The following ODAD4 variants were observed in gnomAD, a reference collection of about 807,000 sequenced individuals.
ODAD4 encodes outer dynein arm-docking complex subunit 4.
A neutral mutation model predicts 51.8 loss-of-function variants in ODAD4; 49 were observed. The ratio of observed to expected loss-of-function variants is 0.95; its 90% CI spans 0.75 to 1.20. The LOEUF (loss-of-function observed/expected upper bound fraction) is 1.20. ODAD4 is among the 50% of genes most tolerant of loss of function. The probability of loss-of-function intolerance (pLI) is 0.00; values close to 1 mark genes in which losing one functional copy is unlikely to be tolerated. For missense variants in ODAD4, 590 were observed against 586.5 expected (o/e 1.01, Z -0.06); for synonymous variants, 235 against 221.3 (o/e 1.06, Z -0.55).
At chr17:41,956,485 CTTTTTT>C (rs33985289) in intron 10 of ODAD4, among the ~76,000 whole-genome samples, 1 of 110,944 alleles carries the variant, frequency 9.0e-6, no homozygotes, top group Non-Finnish European at 1.7e-5. Flanking sequence ...CATGCCCGGC[CTTTTTT>C]TTTTTTTTTT....
intron 7 of ODAD4, among the ~76,000 whole-genome samples, chr17:41,940,073 C>T (rs1226666339): frequency 1.3e-5 from 2 of 152,198 alleles, no homozygotes; most frequent in Non-Finnish European, 2.9e-5. Flanking sequence ...GGTTCCATCG[C>T]TTTCTCAGCA....
At position 41,955,318 on chromosome 17, in the gene ODAD4, G is replaced by A. The variant is rs1350329775; in HGVS notation, c.1443+1G>A. On this transcript the variant is annotated splice_donor_variant, in intron 10 of 11. Transcript: ENST00000377540. LOFTEE classifies it high-confidence loss of function. ...CGAGGCGCAGCAGGCCATCATCAGT[G>A]TGAGCCTTTCCACCCGCCGGGCTTC... 1.3e-6 allele frequency: 1 copy of A among 776,026 alleles called. No individual in the cohort carries two copies. The highest frequency in any genetic ancestry group is 1.7e-5 in the Admixed American group (1 of 58,518). The allele number at this position is 776,026 out of a possible 1,614,324, so 48.1% of individuals were successfully genotyped here.
At chr17:41,945,343 CAAA>C (rs35481109) in intron 8 of ODAD4, 121 bp downstream of exon 8, 6,788 of 431,952 alleles carry the variant, frequency 0.016, no homozygotes, top group South Asian at 0.021. Context: ...TCCCTCTCTA[CAAA>C]AAAAAAAAAA....
rs1191101800 is a variant in ODAD4 at position 41,944,444 on chromosome 17, A to ACACACACACACACACCC, written c.1059-691_1059-690insACACACACACACACCCC. ...CACACACACACACACACACACACAC[A>ACACACACACACACACCC]CCCCCCCGCATACACAGAAATTGCC... On this transcript the variant is annotated intron_variant, in intron 7 of 11. Transcript: ENST00000377540. Among the ~76,000 whole-genome samples the ACACACACACACACACCC allele has an allele frequency of 1.3e-3, 26 of 19,526 alleles. 1 individual carries two copies. Among genetic ancestry groups the ACACACACACACACACCC allele is most frequent in the East Asian group, 3.2e-3 (1 of 308 alleles). 12.8% of individuals were successfully genotyped at this position (19,526 alleles called of 152,430 possible).
chr17:41,936,681 G>A, intron 4 of ODAD4, 81 bp from the exon 5 acceptor site: 1 of 1,565,640 alleles, frequency 6.4e-7, no homozygotes, highest in Non-Finnish European at 8.7e-7. Context: ...GGAGGAATCT[G>A]GGATCACAGA....
At chr17:41,935,152 C>G in intron 1 of ODAD4, 65 bp from the exon 2 acceptor site, 1 of 1,601,650 alleles carries the variant, frequency 6.2e-7, no homozygotes, top group South Asian at 1.1e-5. Flanking sequence ...TTGGGCTGCC[C>G]TTCCCACTCC....
Position 41,933,975 on chromosome 17 carries a change from CT to C in ODAD4, c.115-1230del, listed in dbSNP as rs370718940. The stretch of plus-strand genomic sequence containing the variant: ...ATCAGTTTCATTTTCCTAGCATTTT[CT>C]TTTTTTTTTTTCTTTCTTGTTTTTC... On this transcript the variant is annotated intron_variant, in intron 1 of 11. Coordinates refer to ENST00000377540, the MANE Select transcript of ODAD4 (RefSeq NM_031421.5). 4.8e-3 allele frequency among the ~76,000 whole-genome samples: 587 copies of C among 121,742 alleles called. 2 individuals are homozygous for C. Among genetic ancestry groups the C allele is most frequent in the Middle Eastern group, 8.3e-3 (2 of 240 alleles). 79.9% of individuals were successfully genotyped at this position (121,742 alleles called of 152,430 possible). A position where few individuals can be genotyped will look rare whatever the true frequency, so the allele number is the denominator to read the frequency against.
intron 7 of ODAD4, among the ~76,000 whole-genome samples, chr17:41,944,610 C>T (rs915666880): frequency 2.0e-5 from 3 of 151,532 alleles, no homozygotes; most frequent in Admixed American, 2.0e-4. Context: ...TCCGACATGG[C>T]GGCAAGCTTG....
intron 7 of ODAD4, among the ~76,000 whole-genome samples, chr17:41,940,655 T>C (rs1391965944): frequency 2.0e-5 from 3 of 152,162 alleles, no homozygotes; most frequent in Admixed American, 1.3e-4. Context: ...AAGTTGCTCC[T>C]CTACTCAGTT....
At chr17:41,955,661 T>C (rs2050721897) in intron 10 of ODAD4, among the ~76,000 whole-genome samples, 1 of 152,144 alleles carries the variant, frequency 6.6e-6, no homozygotes, top group African/African-American at 2.4e-5. Flanking sequence ...CCTGACTTTG[T>C]GATCCGCCCG....
chr17:41,947,319 GAAAA>G (rs1175626660), intron 8 of ODAD4, among the ~76,000 whole-genome samples: 2 of 147,604 alleles, frequency 1.4e-5, no homozygotes, highest in Non-Finnish European at 3.0e-5. Context: ...TAAAAAAAAA[GAAAA>G]AAAATACAAA....
Position 41,965,377 on chromosome 17 carries a change from T to G in ODAD4, c.1913T>G (p.Leu638Arg). The change falls in exon 12 of 12, where the codon CTT (leucine) becomes CGT (arginine). Residue 638 changes from leucine (L) to arginine (R), a missense_variant. Coordinates refer to ENST00000377540, the MANE Select transcript of ODAD4 (RefSeq NM_031421.5). The part of the protein sequence containing the change: ...SRQEPEELKK[L>R]SEVGRREPEE... ...CAGGAACCAGAAGAACTAAAGAAAC[T>G]TTCAGAAGTGGGCAGAAGAGAGCCA... is the stretch of plus-strand genomic sequence containing the variant. 1 of 780,536 alleles carries G rather than the reference T, an allele frequency of 1.3e-6. No individual in the cohort carries two copies. The highest frequency in any genetic ancestry group is 1.7e-5 in the African/African-American group (1 of 59,158). 48.4% of individuals were successfully genotyped at this position (780,536 alleles called of 1,614,324 possible).
In ODAD4 at chr17:41,939,095, G is replaced by A. The variant is rs1555638358; in HGVS notation, c.981G>A (p.Gly327=). The A allele has an allele frequency of 6.2e-7, 1 of 1,614,012 alleles. No individual in the cohort carries two copies. The highest frequency in any genetic ancestry group is 1.1e-5 in the South Asian group (1 of 91,072). ...TTGGAAACTTGTATAGCTGCATAGG[G>A]AATGCCCAGATTGAGCTGGGGCAGA... is the stretch of plus-strand genomic sequence containing the variant. ...ELVGNLYSCI[G]NAQIELGQME... is the part of the protein sequence containing the mutation. Residue 327 remains glycine (G), a synonymous_variant, in exon 7 of 12, where the codon GGG becomes GGA. Coordinates refer to ENST00000377540, the MANE Select transcript of ODAD4 (RefSeq NM_031421.5).
intron 8 of ODAD4, among the ~76,000 whole-genome samples, chr17:41,947,894 T>C (rs1472664483): frequency 2.6e-5 from 4 of 151,398 alleles, no homozygotes; most frequent in African/African-American, 9.7e-5. Flanking sequence ...CTGAGGCGGG[T>C]GATCGCCTGA....
Position 41,936,502 on chromosome 17 carries a change from G to A in ODAD4, c.427G>A (p.Gly143Arg), listed in dbSNP as rs1555637814. 6.2e-7 allele frequency: 1 copy of A among 1,613,308 alleles called. No individual in the cohort carries two copies. The highest frequency in any genetic ancestry group is 8.5e-7 in the Non-Finnish European group (1 of 1,179,788). The stretch of plus-strand genomic sequence containing the variant: ...TTCTTCCATTAAGCTGGAGAACAAA[G>A]GGGACCTCTCCTTCTTAAGCAAGCA... The part of the protein sequence containing the change: ...SPSSIKLENK[G>R]DLSFLSKQAE... Residue 143 changes from glycine (G) to arginine (R), a missense_variant, in exon 4 of 12, where the codon GGG becomes AGG. By Grantham distance (125) the Gly-to-Arg change is moderately radical. Transcript: ENST00000377540.
chr17:41,961,249 A>C (rs1156682259), intron 10 of ODAD4, 133 bp from the exon 11 acceptor site: 1 of 617,574 alleles, frequency 1.6e-6, no homozygotes, highest in Non-Finnish European at 2.9e-6. Context: ...GGTAGGGGTC[A>C]TTGGAGGGGC....
Position 41,936,759 on chromosome 17 carries a change from C to T in ODAD4, c.460-3C>T. ...TCTGTTGGGTGTTGCTCCATTTTCT[C>T]AGAATATAAAAGCCCAGCAGAAGCC... On this transcript the variant is annotated splice_polypyrimidine_tract_variant and splice_region_variant and intron_variant, in intron 4 of 11. Transcript: ENST00000377540. 6.2e-7 allele frequency: 1 copy of T among 1,613,818 alleles called. No homozygotes were observed. The highest frequency in any genetic ancestry group is 8.5e-7 in the Non-Finnish European group (1 of 1,179,820).
intron 10 of ODAD4, 92 bp from the exon 11 acceptor site, chr17:41,961,290 C>A (rs782686005): frequency 1.5e-6 from 1 of 681,822 alleles, no homozygotes; most frequent in Non-Finnish European, 2.7e-6. Context: ...CAGGTTCCCA[C>A]CAGAGCCCTG....
intron 9 of ODAD4, among the ~76,000 whole-genome samples, chr17:41,953,503 C>T (rs2050686483): frequency 6.6e-6 from 1 of 152,006 alleles, no homozygotes; most frequent in South Asian, 2.1e-4. Context: ...GGCTGGTAAG[C>T]ACTTTCTCCT....
Sources: allele counts gnomAD v4.1 joint callset (sites outside exome capture counted in the v4.1 genomes callset), GRCh38; gene constraint gnomAD v4.1.1; transcripts MANE v1.5; gene names NCBI Gene and HGNC (gene_info 2026-07-23, HGNC 2026-07-21).